MVK: variants seen among roughly 807,000 people sequenced by gnomAD.
MVK encodes LH receptor mRNA-binding protein.
In MVK, 34 loss-of-function variants were observed where a neutral mutation model predicts 43.2. The observed-to-expected ratio is 0.79, with a 90% CI of 0.60 to 1.05. The LOEUF is 1.05. Among genes scored for constraint, MVK ranks in the 50% least tolerant of loss-of-function variants. The probability of loss-of-function intolerance (pLI) is 0.00; values close to 1 mark genes in which losing one functional copy is unlikely to be tolerated. For synonymous variants in MVK, 190 were observed against 219.8 expected, an observed-to-expected ratio of 0.86 and a Z score of 1.20; for missense variants, 395 against 504.0, an observed-to-expected ratio of 0.78 and a Z score of 2.07.
At chr12:109,579,337 G>A (rs1030809931) in intron 3 of MVK, 16 of 359,134 alleles carry the variant, frequency 4.5e-5, no homozygotes, top group East Asian at 2.3e-4. Flanking sequence ...TTGGGGTTTC[G>A]CCATGTTACC....
rs201216490 is a variant in MVK, at chr12:109,595,084, T to A, written c.942T>A (p.Ser314=). 4.9e-5 allele frequency: 79 copies of A among 1,614,060 alleles called. No homozygotes were observed. The Middle Eastern group carries it at 6.6e-4, about 13-fold the overall frequency. ...ATGCCCTCGGCGTGGGCCACGCCTC[T>A]CTGGACCAGCTCTGCCAGGTGACCA... ...HLNALGVGHA[S]LDQLCQVTRA... The change falls in exon 10 of 11, where the codon TCT becomes TCA. Residue 314 remains serine (S), a synonymous_variant. Transcript: ENST00000228510. The surrounding 1 kb of genome is among the most constrained non-coding windows in gnomAD (Gnocchi z 5.9).
Position 109,596,588 on chromosome 12 carries a change from C to T in MVK, c.*11C>T, listed in dbSNP as rs104895345. 16 of 1,606,680 alleles carry T rather than the reference C, an allele frequency of 1.0e-5. No individual in the cohort carries two copies. The highest frequency in any genetic ancestry group is 1.3e-5 in the African/African-American group (1 of 75,024). On this transcript the variant is annotated 3_prime_UTR_variant, in exon 11 of 11. Coordinates refer to ENST00000228510, the MANE Select transcript of MVK (RefSeq NM_000431.4). ...CTGGATGGCCTCTGAGAGGAGCCCA[C>T]GACACTGCAGCCCCACCCAGATGCC...
At chr12:109,590,518 T>G (rs1445051737) in intron 7 of MVK, 1 of 548,234 alleles carries the variant, frequency 1.8e-6, no homozygotes, top group Non-Finnish European at 3.3e-6. Context: ...CCTAGCATGT[T>G]GTAGGTCCCA....
intron 5 of MVK, among the ~76,000 whole-genome samples, chr12:109,585,498 A>G (rs1346611999): frequency 2.0e-5 from 3 of 152,168 alleles, no homozygotes; most frequent in Non-Finnish European, 2.9e-5. Context: ...GTAAGAGGCA[A>G]TGCAGGGGCC....
chr12:109,590,849 C>G lies in MVK; in HGVS notation c.756C>G (p.Asn252Lys), dbSNP rs1359553374. 1 of 1,614,170 alleles carries G rather than the reference C, an allele frequency of 6.2e-7. No homozygotes were observed. The highest frequency in any genetic ancestry group is 1.7e-5 in the Admixed American group (1 of 60,024). ...GGGCCCTTGTGGCTGGCGTCAGAAA[C>G]AGGCTGCTCAAGGTGACTCTTGTTC... The part of the protein sequence containing the change: ...NTRALVAGVR[N>K]RLLKFPEIVA... The change falls in exon 8 of 11, where the codon AAC becomes AAG. Residue 252 changes from asparagine to lysine, a missense_variant. Asn to Lys is a moderately conservative substitution (Grantham distance 94). Transcript: ENST00000228510.
At chr12:109,591,095 A>G (rs2136245579) in intron 8 of MVK, 146 bp from the exon 9 acceptor site, 1 of 952,884 alleles carries the variant, frequency 1.0e-6, no homozygotes, top group East Asian at 2.5e-5. Flanking sequence ...GGAAGGCAAA[A>G]AAACAGGCTC....
At chr12:109,591,510 C>T in intron 9 of MVK, 153 bp downstream of exon 9, 1 of 727,690 alleles carries the variant, frequency 1.4e-6, no homozygotes, top group Non-Finnish European at 2.4e-6. Flanking sequence ...GGGCCCAGGT[C>T]TGTGCGTGCC....
At chr12:109,577,340 C>T (rs1885002630) in intron 3 of MVK, among the ~76,000 whole-genome samples, 1 of 152,158 alleles carries the variant, frequency 6.6e-6, no homozygotes, top group Non-Finnish European at 1.5e-5. Flanking sequence ...TGTTTCTCAG[C>T]CAGGATGGGG....
intron 3 of MVK, among the ~76,000 whole-genome samples, chr12:109,577,055 TA>T (rs1268555643): frequency 1.3e-5 from 2 of 152,198 alleles, no homozygotes; most frequent in Non-Finnish European, 2.9e-5. Context: ...TGTAGATTGA[TA>T]GAAAGATTGA....
chr12:109,586,115 C>T lies in MVK; in HGVS notation c.621C>T (p.Val207=). The T allele has an allele frequency of 6.2e-7, 1 of 1,613,484 alleles. No homozygotes were observed. The highest frequency in any genetic ancestry group is 1.7e-5 in the Admixed American group (1 of 60,026). Residue 207 remains valine, a synonymous_variant, in exon 6 of 11, where the codon GTC becomes GTT. Transcript: ENST00000228510. Reference sequence around the variant, plus strand: ...ACCCCTCCGGAGTGGACAATGCTGTCAGCACCTGGGGTAGGTGTGGCCTCA... The same window carrying T: ...ACCCCTCCGGAGTGGACAATGCTGTTAGCACCTGGGGTAGGTGTGGCCTCA... The part of the protein sequence containing the change: ...HGNPSGVDNA[V]STWGGALRYH...
At chr12:109,585,558 G>A (rs923448770) in intron 5 of MVK, among the ~76,000 whole-genome samples, 3 of 152,094 alleles carry the variant, frequency 2.0e-5, no homozygotes, top group African/African-American at 4.8e-5. Flanking sequence ...AGGCCAAAGC[G>A]GGCGTTCGAG....
Position 109,587,586 on chromosome 12 carries a change from C to T in MVK, c.677+787C>T, listed in dbSNP as rs999520461. On this transcript the variant is annotated intron_variant, in intron 7 of 10. Transcript: ENST00000228510. ...TGTTTGTCCCAGGGCACTTTGCCAC[C>T]TCCATGGGCCTTTTCGCATCAGTAA... Among the ~76,000 whole-genome samples, 3 of 152,172 alleles carry T rather than the reference C, an allele frequency of 2.0e-5. No homozygotes were observed. The South Asian group carries it at 6.2e-4, about 32-fold the overall frequency.
chr12:109,586,942 C>A, intron 7 of MVK, 143 bp downstream of exon 7: 1 of 945,962 alleles, frequency 1.1e-6, no homozygotes, highest in Non-Finnish European at 1.6e-6. Context: ...AGTGCACTAG[C>A]TGCAAGGAAG....
chr12:109,592,509 C>T (rs1885730466), intron 9 of MVK, among the ~76,000 whole-genome samples: 1 of 152,260 alleles, frequency 6.6e-6, no homozygotes, highest in Non-Finnish European at 1.5e-5. Flanking sequence ...TGCCTGGTGT[C>T]TCCCGGTCCC....
chr12:109,590,992 G>A (rs907647786), intron 8 of MVK, 131 bp downstream of exon 8: 5 of 1,060,870 alleles, frequency 4.7e-6, no homozygotes, highest in East Asian at 2.6e-5. Context: ...TAGGGAGGTG[G>A]TTTTGGCAGA....
At chr12:109,580,040 C>G (rs1885145543) in intron 4 of MVK, 94 bp downstream of exon 4, 6 of 1,563,538 alleles carry the variant, frequency 3.8e-6, no homozygotes, top group Non-Finnish European at 5.2e-6. Context: ...TGCACATGCT[C>G]TCTTCTAGAG....
chr12:109,596,326 G>A, intron 10 of MVK, 100 bp from the exon 11 acceptor site: 1 of 1,513,664 alleles, frequency 6.6e-7, no homozygotes, highest in Non-Finnish European at 8.9e-7. Context: ...TCACAGCCAG[G>A]AAGGCACAGC....
At chr12:109,586,881 A>G in intron 7 of MVK, 82 bp downstream of exon 7, 1 of 1,541,966 alleles carries the variant, frequency 6.5e-7, no homozygotes, top group Non-Finnish European at 8.9e-7. Flanking sequence ...TTTGGGAAGT[A>G]CCATAGGAGG....
chr12:109,595,425 G>C lies in MVK; in HGVS notation c.1039+244G>C, dbSNP rs1413545669. ...AGTGCACCTAGAGAGCCTGGTGCAG[G>C]GCTGGGCTGTGGCTGGGGCTCCTGT... On this transcript the variant is annotated intron_variant, in intron 10 of 10. Coordinates refer to ENST00000228510, the MANE Select transcript of MVK (RefSeq NM_000431.4). This position sits in a 1 kb window ranked among gnomAD's most constrained non-coding sequence, Gnocchi z 5.9. Among the ~76,000 whole-genome samples the C allele has an allele frequency of 6.6e-6, 1 of 152,124 alleles. No homozygotes were observed. The highest frequency in any genetic ancestry group is 2.4e-5 in the African/African-American group (1 of 41,408).
Sources: allele counts gnomAD v4.1 joint callset (sites outside exome capture counted in the v4.1 genomes callset), GRCh38; gene constraint gnomAD v4.1.1; non-coding constraint Gnocchi (gnomAD v3.1); transcripts MANE v1.5; gene names NCBI Gene and HGNC (gene_info 2026-07-23, HGNC 2026-07-21).